The following ALDH3B2 variants were observed in gnomAD, a reference collection of about 807,000 sequenced individuals.
ALDH3B2 encodes the protein aldehyde dehydrogenase 3 family member B2.
In ALDH3B2, 45 loss-of-function variants were observed where a neutral mutation model predicts 36.7. That is an observed-to-expected ratio of 1.23 (90% confidence interval 0.97 to 1.57). The LOEUF is 1.57. Among genes scored for constraint, ALDH3B2 ranks in the 40% most tolerant of loss-of-function variants. The probability of loss-of-function intolerance (pLI) is 0.00; values close to 1 mark genes in which losing one functional copy is unlikely to be tolerated. For synonymous variants in ALDH3B2, 217 were observed against 226.5 expected (o/e 0.96, Z 0.38); for missense variants, 464 against 513.3 (o/e 0.90, Z 0.93).
chr11:67,663,209 G>A (rs1258292418), exon 10 of ALDH3B2: 6 of 1,597,096 alleles, frequency 3.8e-6, no homozygotes, highest in Non-Finnish European at 5.1e-6. Flanking sequence ...GAGGCGGGTG[G>A]GACGCTCACA....
chr11:67,665,899 G>C (rs1855894563), intron 6 of ALDH3B2, among the ~76,000 whole-genome samples: 1 of 152,108 alleles, frequency 6.6e-6, no homozygotes, highest in Admixed American at 6.5e-5. Flanking sequence ...CTCCTGGCCG[G>C]TCTGGCTCAC....
chr11:67,665,674 G>A lies in ALDH3B2; in HGVS notation c.320-3C>T. The A allele has an allele frequency of 6.3e-7, 1 of 1,598,232 alleles. No individual in the cohort carries two copies. Among genetic ancestry groups the A allele is most frequent in the Non-Finnish European group, 8.5e-7 (1 of 1,171,842 alleles). ...AATCTTGCCCACACGAGGGCTCCCT[G>A]GGCGTGGAAGGAAACCAGAGTGGCC... On this transcript the variant is annotated splice_region_variant and splice_polypyrimidine_tract_variant and intron_variant, in intron 6 of 9. Transcript: ENST00000349015.
At chr11:67,663,850 T>G in intron 8 of ALDH3B2, 89 bp from the exon 9 acceptor site, 1 of 1,079,224 alleles carries the variant, frequency 9.3e-7, no homozygotes, top group Non-Finnish European at 1.3e-6. Context: ...GTGAGCCTCA[T>G]CCTCACCTGC....
At chr11:67,663,701 T>G (rs749667333) in exon 9 of ALDH3B2, 1 of 1,612,968 alleles carries the variant, frequency 6.2e-7, no homozygotes, top group South Asian at 1.1e-5. Context: ...GATATGTAGG[T>G]GAAGCCCTCA....
intron 8 of ALDH3B2, 174 bp downstream of exon 8, chr11:67,664,222 T>A: frequency 9.5e-7 from 1 of 1,052,128 alleles, no homozygotes; most frequent in East Asian, 2.5e-5. Context: ...TTGGACCCTG[T>A]CCTCTCTGCC....
chr11:67,667,640 C>A lies in ALDH3B2; in HGVS notation c.-244-5G>T. On this transcript the variant is annotated splice_polypyrimidine_tract_variant and splice_region_variant and intron_variant, in intron 1 of 9. Coordinates refer to ENST00000349015, the Ensembl canonical transcript of ALDH3B2. Reference sequence around the variant, plus strand: ...GTGTCCTCGAAGGGGTCCATCCTGCCGGATGGGGTGGCTTGAACTGGGTGG... The same window carrying A: ...GTGTCCTCGAAGGGGTCCATCCTGCAGGATGGGGTGGCTTGAACTGGGTGG... The A allele has an allele frequency of 6.1e-6, 2 of 328,320 alleles. No homozygotes were observed. The highest frequency in any genetic ancestry group is 2.5e-4 in the South Asian group (2 of 7,876). The allele number at this position is 328,320 out of a possible 1,614,324, so 20.3% of individuals were successfully genotyped here. A position where few individuals can be genotyped will look rare whatever the true frequency, so the allele number is the denominator to read the frequency against.
At chr11:67,674,967 A>T (rs952616726), upstream of ALDH3B2, among the ~76,000 whole-genome samples, 1 of 152,126 alleles carries the variant, frequency 6.6e-6, no homozygotes, top group Admixed American at 6.5e-5. Context: ...CCCCAGCCAC[A>T]GTGGTCCCAT....
intron 6 of ALDH3B2, 69 bp downstream of exon 6, chr11:67,666,053 A>ATG: frequency 6.9e-7 from 1 of 1,455,214 alleles, no homozygotes; most frequent in East Asian, 2.3e-5. Flanking sequence ...TCCTCCCTCC[A>ATG]CAACCCTCCC....
rs59765121 is a variant in ALDH3B2, at chr11:67,672,120, G to GTATTT, written c.-245+2316_-245+2317insAAATA. Among the ~76,000 whole-genome samples the GTATTT allele has an allele frequency of 8.7e-4, 94 of 108,070 alleles. 2 individuals are homozygous for GTATTT. Among genetic ancestry groups the GTATTT allele is most frequent in the African/African-American group, 3.4e-3 (85 of 25,334 alleles). 70.9% of individuals were successfully genotyped at this position (108,070 alleles called of 152,430 possible). A position where few individuals can be genotyped will look rare whatever the true frequency, so the allele number is the denominator to read the frequency against. On this transcript the variant is annotated intron_variant, in intron 1 of 9. Transcript: ENST00000349015. The stretch of plus-strand genomic sequence containing the variant: ...ATGTATTTTGTGTGTGTGTGTGTGT[G>GTATTT]TGTGTGTGTGTGTGTATATATATAT...
chr11:67,665,184 C>T, intron 7 of ALDH3B2, 101 bp downstream of exon 7: 5 of 1,510,260 alleles, frequency 3.3e-6, no homozygotes, highest in South Asian at 1.3e-5. Context: ...GATAGTGGGG[C>T]CGGGTTTCAG....
At chr11:67,679,698 G>GAA (rs545911365), upstream of ALDH3B2, among the ~76,000 whole-genome samples, 12 of 141,880 alleles carry the variant, frequency 8.5e-5, no homozygotes, top group African/African-American at 3.1e-4. Flanking sequence ...AGAATGGCGT[G>GAA]AAAAAAAAAA....
At chr11:67,668,498 G>T (rs1292530775) in intron 1 of ALDH3B2, among the ~76,000 whole-genome samples, 1 of 152,176 alleles carries the variant, frequency 6.6e-6, no homozygotes, top group Non-Finnish European at 1.5e-5. Context: ...CAGCCCAGGG[G>T]CTCAAGAATG....
chr11:67,672,230 C>G (rs1400771946), intron 1 of ALDH3B2, among the ~76,000 whole-genome samples: 1 of 148,482 alleles, frequency 6.7e-6, no homozygotes, highest in Non-Finnish European at 1.5e-5. Flanking sequence ...TCACTGCAAT[C>G]TCCATCTCCC....
exon 5 of ALDH3B2, chr11:67,666,385 C>G: frequency 6.2e-7 from 1 of 1,606,272 alleles, no homozygotes; most frequent in South Asian, 1.1e-5. Context: ...CTGACGGCTT[C>G]AGCACCACGC....
intron 1 of ALDH3B2, among the ~76,000 whole-genome samples, chr11:67,670,579 C>G (rs1856079516): frequency 6.6e-6 from 1 of 152,184 alleles, no homozygotes; most frequent in African/African-American, 2.4e-5. Context: ...GATGCAGGGA[C>G]AGTGCTCGCC....
intron 8 of ALDH3B2, chr11:67,664,108 C>A: frequency 1.7e-6 from 1 of 577,150 alleles, no homozygotes. Context: ...CTGTCCCTGA[C>A]CTCCATTCCG....
upstream of ALDH3B2, among the ~76,000 whole-genome samples, chr11:67,676,314 C>T (rs557201237): frequency 6.6e-6 from 1 of 152,170 alleles, no homozygotes; most frequent in East Asian, 1.9e-4. Flanking sequence ...ACCTTCAAAA[C>T]CATGCAAATA....
At chr11:67,671,529 G>A (rs1163934948) in intron 1 of ALDH3B2, among the ~76,000 whole-genome samples, 2 of 139,674 alleles carry the variant, frequency 1.4e-5, no homozygotes, top group Non-Finnish European at 3.0e-5. Flanking sequence ...ACTGATCAGG[G>A]CCAACCTGCC....
chr11:67,667,021 G>A lies in ALDH3B2; in HGVS notation c.-81-5C>T, dbSNP rs377605304. 318 of 1,557,920 alleles carry A rather than the reference G, an allele frequency of 2.0e-4. No homozygotes were observed. The highest frequency in any genetic ancestry group is 2.6e-4 in the Non-Finnish European group (292 of 1,130,906). On this transcript the variant is annotated splice_region_variant and splice_polypyrimidine_tract_variant and intron_variant, in intron 2 of 9. Coordinates refer to ENST00000349015, the Ensembl canonical transcript of ALDH3B2. ...TATGTCTGCCTCGAAAGCTGGCTGT[G>A]GTGGAGGTGGAATTCAGAGTGGTCA... is the stretch of plus-strand genomic sequence containing the variant.
Sources: allele counts gnomAD v4.1 joint callset (sites outside exome capture counted in the v4.1 genomes callset), GRCh38; gene constraint gnomAD v4.1.1; transcripts MANE v1.5; gene names NCBI Gene and HGNC (gene_info 2026-07-23, HGNC 2026-07-21).